SEZ6: variants seen among roughly 807,000 people sequenced by gnomAD.
The protein encoded by SEZ6 is seizure related 6 homolog.
A neutral mutation model predicts 101.0 loss-of-function variants in SEZ6; 53 were observed. That is an observed-to-expected ratio of 0.52 (90% CI 0.42 to 0.66). The LOEUF is 0.66. Ranked by LOEUF, SEZ6 falls within the 30% of genes least tolerant of loss-of-function variation. The pLI, the probability that SEZ6 is intolerant of heterozygous loss-of-function variation, is 0.00. For missense variants in SEZ6, 1,102 were observed against 1,289.4 expected, an observed-to-expected ratio of 0.85 and a Z score of 2.23; for synonymous variants, 488 against 512.2, an observed-to-expected ratio of 0.95 and a Z score of 0.64.
Position 28,959,230 on chromosome 17 carries a change from G to C in SEZ6, c.1911-9C>G. The stretch of plus-strand genomic sequence containing the variant: ...CAGGGCCTATGCGCAGCCTGTGAAG[G>C]AGGAGCGTCAGGGCAGAGCCGGCCT... On this transcript the variant is annotated splice_polypyrimidine_tract_variant and intron_variant, in intron 9 of 16. Coordinates refer to ENST00000317338, the MANE Select transcript of SEZ6 (RefSeq NM_178860.5). The surrounding 1 kb of genome is among the most constrained non-coding windows in gnomAD (Gnocchi z 4.4). The C allele has an allele frequency of 6.2e-7, 1 of 1,612,446 alleles. No individual in the cohort carries two copies. Among genetic ancestry groups the C allele is most frequent in the Non-Finnish European group, 8.5e-7 (1 of 1,178,944 alleles).
chr17:28,995,895 G>C (rs1455458649), intron 1 of SEZ6, among the ~76,000 whole-genome samples: 1 of 152,122 alleles, frequency 6.6e-6, no homozygotes, highest in Admixed American at 6.5e-5. Context: ...GGAGGTCCCT[G>C]GGTGGGCCAC....
intron 4 of SEZ6, among the ~76,000 whole-genome samples, chr17:28,967,585 C>T (rs1426226683): frequency 1.3e-5 from 2 of 152,174 alleles, no homozygotes; most frequent in African/African-American, 4.8e-5. Context: ...GGGTGTGGGG[C>T]ACCACACCCA....
chr17:28,971,782 T>G (rs906682565), intron 3 of SEZ6, among the ~76,000 whole-genome samples: 20 of 152,190 alleles, frequency 1.3e-4, no homozygotes, highest in Admixed American at 6.5e-5. Context: ...AGTCACCAAA[T>G]CCTTCCCAGT....
Position 28,978,964 on chromosome 17 carries a change from G to A in SEZ6, c.858+716C>T, listed in dbSNP as rs548413901. ...GGAAGAGGGACAGGGAAAGGCTAAGGAGACCCCATGTTGCACATTAAGGGA... is the reference window on the plus strand; with the variant it reads ...GGAAGAGGGACAGGGAAAGGCTAAGAAGACCCCATGTTGCACATTAAGGGA... On this transcript the variant is annotated intron_variant, in intron 3 of 16. Transcript: ENST00000317338. 6.8e-4 allele frequency among the ~76,000 whole-genome samples: 104 copies of A among 152,182 alleles called. 1 individual carries two copies. The highest frequency in any genetic ancestry group is 1.1e-3 in the Non-Finnish European group (77 of 67,984).
At chr17:28,984,595 C>T (rs750908385) in intron 1 of SEZ6, among the ~76,000 whole-genome samples, 6 of 152,242 alleles carry the variant, frequency 3.9e-5, no homozygotes, top group Non-Finnish European at 8.8e-5. Flanking sequence ...GTCGATTGCA[C>T]TGATTGTGCT....
At chr17:28,960,381 C>G in intron 7 of SEZ6, 124 bp downstream of exon 7, 1 of 1,296,376 alleles carries the variant, frequency 7.7e-7, no homozygotes, top group Non-Finnish European at 1.1e-6. Context: ...ACTGAGTGAG[C>G]AGGGGCTGAC....
intron 1 of SEZ6, among the ~76,000 whole-genome samples, chr17:28,984,955 G>GTC (rs2041357534): frequency 6.6e-6 from 1 of 152,200 alleles, no homozygotes; most frequent in South Asian, 2.1e-4. Context: ...GCACTACTGT[G>GTC]TCAGGCCCTT....
chr17:28,990,276 T>C (rs1567999758), intron 1 of SEZ6, among the ~76,000 whole-genome samples: 1 of 152,192 alleles, frequency 6.6e-6, no homozygotes, highest in Non-Finnish European at 1.5e-5. Context: ...TTCGGACTTT[T>C]GCATTTCTTT....
At chr17:28,976,463 G>A (rs2041222253) in intron 3 of SEZ6, among the ~76,000 whole-genome samples, 1 of 152,284 alleles carries the variant, frequency 6.6e-6, no homozygotes, top group East Asian at 1.9e-4. Context: ...TTCTTGCCCA[G>A]ACTTTGTCCC....
At chr17:28,990,968 T>C (rs1429880685) in intron 1 of SEZ6, among the ~76,000 whole-genome samples, 3 of 151,422 alleles carry the variant, frequency 2.0e-5, no homozygotes, top group East Asian at 3.9e-4. Flanking sequence ...TGCAGTGGCA[T>C]GATCTCGTCT....
At chr17:28,962,277 C>G (rs995844718) in intron 5 of SEZ6, among the ~76,000 whole-genome samples, 1 of 152,204 alleles carries the variant, frequency 6.6e-6, no homozygotes, top group African/African-American at 2.4e-5. Context: ...CATGCTGTCT[C>G]CTTGGGAAGC....
At chr17:28,970,677 A>G (rs529972755) in intron 3 of SEZ6, among the ~76,000 whole-genome samples, 20 of 152,278 alleles carry the variant, frequency 1.3e-4, no homozygotes, top group Admixed American at 8.5e-4. Flanking sequence ...TCCTGCCTGT[A>G]GGGCTTAACC....
At chr17:28,995,667 G>T (rs1285587368) in intron 1 of SEZ6, among the ~76,000 whole-genome samples, 1 of 152,180 alleles carries the variant, frequency 6.6e-6, no homozygotes, top group East Asian at 1.9e-4. Context: ...GCGACCAGAG[G>T]ACTCCCTCCT....
intron 1 of SEZ6, among the ~76,000 whole-genome samples, chr17:29,000,526 G>T (rs1568005331): frequency 6.6e-6 from 1 of 152,202 alleles, no homozygotes; most frequent in Non-Finnish European, 1.5e-5. Flanking sequence ...ATGGATGGAT[G>T]GGTAGATATA....
At chr17:28,978,673 CAG>C (rs1460299745) in intron 3 of SEZ6, among the ~76,000 whole-genome samples, 2 of 152,180 alleles carry the variant, frequency 1.3e-5, no homozygotes, top group Admixed American at 6.5e-5. Context: ...GGGGTGGACC[CAG>C]AGAGACTGAC....
At chr17:28,988,332 C>T (rs528471742) in intron 1 of SEZ6, among the ~76,000 whole-genome samples, 1 of 152,278 alleles carries the variant, frequency 6.6e-6, no homozygotes, top group East Asian at 1.9e-4. Flanking sequence ...GGCAAGGATC[C>T]AGCAGTGGGT....
chr17:28,968,818 G>A (rs1221476535), intron 4 of SEZ6, among the ~76,000 whole-genome samples: 1 of 152,184 alleles, frequency 6.6e-6, no homozygotes, highest in Non-Finnish European at 1.5e-5. Flanking sequence ...AATTATTTCC[G>A]TATTAGTTCT....
At chr17:28,967,387 C>A (rs77880283) in intron 4 of SEZ6, among the ~76,000 whole-genome samples, 1 of 152,162 alleles carries the variant, frequency 6.6e-6, no homozygotes, top group South Asian at 2.1e-4. Flanking sequence ...GAACTTGAAG[C>A]TCCTGGGCTC....
intron 3 of SEZ6, among the ~76,000 whole-genome samples, chr17:28,978,134 T>C (rs1567992982): frequency 6.6e-6 from 1 of 152,182 alleles, no homozygotes. Flanking sequence ...TCCAGGGACA[T>C]GCAGGAATTG....
Sources: allele counts gnomAD v4.1 joint callset (sites outside exome capture counted in the v4.1 genomes callset), GRCh38; gene constraint gnomAD v4.1.1; non-coding constraint Gnocchi (gnomAD v3.1); transcripts MANE v1.5; gene names NCBI Gene and HGNC (gene_info 2026-07-23, HGNC 2026-07-21).